Variants in FBXL2 observed in about 807,000 individuals in gnomAD.
FBXL2 encodes F-box/LRR-repeat protein 2.
A neutral mutation model predicts 69.2 loss-of-function variants in FBXL2; 38 were observed. The ratio of observed to expected loss-of-function variants is 0.55; its 90% CI spans 0.42 to 0.72. The LOEUF (loss-of-function observed/expected upper bound fraction) is 0.72. FBXL2 is among the 30% of genes least tolerant of loss of function. The pLI is 0.00. For missense variants in FBXL2, 354 were observed against 520.3 expected (o/e 0.68, Z 3.11); for synonymous variants, 192 against 201.3 (o/e 0.95, Z 0.39).
At chr3:33,284,946 G>A (rs945411828) in intron 1 of FBXL2, among the ~76,000 whole-genome samples, 1 of 152,136 alleles carries the variant, frequency 6.6e-6, no homozygotes, top group African/African-American at 2.4e-5. Flanking sequence ...GTCTCTGCAT[G>A]TGATATGGGT....
chr3:33,394,832 TTTTTTA>T (rs1181638681), intron 12 of FBXL2, among the ~76,000 whole-genome samples: 2 of 150,882 alleles, frequency 1.3e-5, no homozygotes, highest in Admixed American at 6.6e-5. Context: ...TTTTTTTTTT[TTTTTTA>T]AATAAAGTTT....
chr3:33,404,667 G>C (rs138263127), downstream of FBXL2, among the ~76,000 whole-genome samples: 11 of 151,944 alleles, frequency 7.2e-5, no homozygotes, highest in East Asian at 1.7e-3. Flanking sequence ...GAAAGAAAAA[G>C]TACATAACTC....
At chr3:33,368,086 C>G (rs2042066356) in intron 5 of FBXL2, among the ~76,000 whole-genome samples, 1 of 152,138 alleles carries the variant, frequency 6.6e-6, no homozygotes, top group Admixed American at 6.6e-5. Context: ...ACCCTGAATC[C>G]TTTTAATTTT....
intron 10 of FBXL2, among the ~76,000 whole-genome samples, chr3:33,376,666 A>G (rs1488369570): frequency 2.6e-5 from 4 of 152,238 alleles, no homozygotes; most frequent in South Asian, 2.1e-4. Flanking sequence ...AGTAAATCTC[A>G]AGATGATTTT....
chr3:33,386,807 G>A lies in FBXL2; in HGVS notation c.*1199G>A, dbSNP rs876358. ...TATTTATGATCTTTATTAAGAACCT[G>A]TCAATCAGTCATCACCACCTTCATT... On this transcript the variant is annotated 3_prime_UTR_variant, in exon 15 of 15. Coordinates refer to ENST00000484457, the MANE Select transcript of FBXL2 (RefSeq NM_012157.5). 0.47 allele frequency: 70,606 copies of A among 151,694 alleles called. 16,743 individuals carry two copies. Among genetic ancestry groups the A allele is most frequent in the East Asian group, 0.58 (2,973 of 5,148 alleles). 9.4% of individuals were successfully genotyped at this position (151,694 alleles called of 1,614,324 possible). A position where few individuals can be genotyped will look rare whatever the true frequency, so the allele number is the denominator to read the frequency against.
intron 5 of FBXL2, among the ~76,000 whole-genome samples, chr3:33,370,891 T>C (rs1277381097): frequency 6.6e-6 from 1 of 152,206 alleles, no homozygotes; most frequent in African/African-American, 2.4e-5. Context: ...GGTTTATTGT[T>C]TTCATAAAGT....
At chr3:33,371,190 A>T (rs1575376876) in intron 5 of FBXL2, among the ~76,000 whole-genome samples, 5 of 133,968 alleles carry the variant, frequency 3.7e-5, no homozygotes, top group Non-Finnish European at 3.1e-5. Context: ...TTTGAGATGG[A>T]GTCTCGCTCT....
At chr3:33,324,026 G>A (rs931519292) in intron 2 of FBXL2, among the ~76,000 whole-genome samples, 12 of 152,168 alleles carry the variant, frequency 7.9e-5, no homozygotes, top group Non-Finnish European at 1.3e-4. Flanking sequence ...GTATCTCATT[G>A]TGGTTTTGAT....
At chr3:33,317,781 G>A (rs2125784904) in intron 2 of FBXL2, among the ~76,000 whole-genome samples, 1 of 152,204 alleles carries the variant, frequency 6.6e-6, no homozygotes, top group East Asian at 1.9e-4. Context: ...CCTTACTGGG[G>A]ACTGTACATG....
intron 2 of FBXL2, among the ~76,000 whole-genome samples, chr3:33,334,692 A>G (rs1188238148): frequency 6.6e-6 from 1 of 152,170 alleles, no homozygotes; most frequent in Non-Finnish European, 1.5e-5. Flanking sequence ...CAAGAAGCTC[A>G]GTGAGTAAAT....
intron 12 of FBXL2, chr3:33,400,947 G>T: frequency 6.3e-7 from 1 of 1,592,310 alleles, no homozygotes; most frequent in South Asian, 1.2e-5. Context: ...ATAGTTTTAG[G>T]AGAAAGATAC....
At chr3:33,405,078 A>G (rs1268893457), downstream of FBXL2, among the ~76,000 whole-genome samples, 1 of 152,228 alleles carries the variant, frequency 6.6e-6, no homozygotes, top group Non-Finnish European at 1.5e-5. Context: ...TTTAAAAATT[A>G]AATTTCAATT....
At chr3:33,298,164 G>T (rs534371830) in intron 2 of FBXL2, among the ~76,000 whole-genome samples, 77 of 152,298 alleles carry the variant, frequency 5.1e-4, no homozygotes, top group African/African-American at 1.6e-3. Flanking sequence ...CACTTAAAAT[G>T]CTGTCAACCC....
chr3:33,381,733 T>C (rs1489061175), intron 13 of FBXL2, among the ~76,000 whole-genome samples: 4 of 152,216 alleles, frequency 2.6e-5, no homozygotes, highest in African/African-American at 9.6e-5. Flanking sequence ...AAACTTCTAT[T>C]TTTTTATTTA....
chr3:33,318,318 T>C (rs2037888258), intron 2 of FBXL2, among the ~76,000 whole-genome samples: 1 of 152,206 alleles, frequency 6.6e-6, no homozygotes, highest in African/African-American at 2.4e-5. Context: ...TAGAAATAGT[T>C]GACTTTTCTA....
chr3:33,323,018 G>T (rs1228114600), intron 2 of FBXL2, among the ~76,000 whole-genome samples: 2 of 151,996 alleles, frequency 1.3e-5, no homozygotes, highest in Non-Finnish European at 2.9e-5. Context: ...ATTCCCATTT[G>T]CTGTGTTCCA....
intron 12 of FBXL2, among the ~76,000 whole-genome samples, chr3:33,399,766 G>A (rs751934000): frequency 1.7e-4 from 26 of 152,130 alleles, no homozygotes; most frequent in Non-Finnish European, 2.5e-4. Context: ...CATAACATAC[G>A]TTGTGCCAAT....
At chr3:33,277,650 C>A in intron 1 of FBXL2, 135 bp downstream of exon 1, 1 of 959,448 alleles carries the variant, frequency 1.0e-6, no homozygotes, top group Non-Finnish European at 1.4e-6. Context: ...TGCGAGGCTG[C>A]TGGGCAGGGC....
chr3:33,379,072 A>G (rs530397778), intron 13 of FBXL2, among the ~76,000 whole-genome samples: 13 of 152,098 alleles, frequency 8.5e-5, no homozygotes, highest in African/African-American at 2.9e-4. Context: ...CAGTGGCACA[A>G]TCTGAGCTCG....
Sources: gnomAD v4.1 joint callset for allele counts (sites outside exome capture counted in the v4.1 genomes callset) on GRCh38, gnomAD v4.1.1 for gene constraint, MANE v1.5 for transcripts, NCBI Gene and HGNC (gene_info 2026-07-23, HGNC 2026-07-21) for gene names.